PDZRN3: variants seen among roughly 807,000 people sequenced by gnomAD.
PDZRN3 encodes the protein E3 ubiquitin-protein ligase PDZRN3.
Under a neutral mutation model 85.7 loss-of-function variants are expected in PDZRN3, and 38 were observed. The observed-to-expected ratio is 0.44, with a 90% CI of 0.34 to 0.58. The LOEUF is 0.58. Ranked by LOEUF, PDZRN3 falls within the 20% of genes least tolerant of loss-of-function variation. The probability of loss-of-function intolerance (pLI) is 0.01; values close to 1 mark genes in which losing one functional copy is unlikely to be tolerated. For missense variants in PDZRN3, 1,629 were observed against 1,506.4 expected, an observed-to-expected ratio of 1.08 and a Z score of -1.35; for synonymous variants, 759 against 638.0, an observed-to-expected ratio of 1.19 and a Z score of -2.86.
intron 3 of PDZRN3, chr3:73,569,418 C>G: frequency 8.7e-7 from 1 of 1,152,784 alleles, no homozygotes; most frequent in Non-Finnish European, 1.1e-6. Flanking sequence ...TACATATTTC[C>G]TGTCTCTTCC....
chr3:73,395,991 T>G (rs1355511624), intron 5 of PDZRN3, among the ~76,000 whole-genome samples: 1 of 152,020 alleles, frequency 6.6e-6, no homozygotes, highest in African/African-American at 2.4e-5. Context: ...GGGAGGCCAT[T>G]GCAGACAGAT....
At chr3:73,514,587 C>T (rs192734848) in intron 3 of PDZRN3, among the ~76,000 whole-genome samples, 1 of 152,246 alleles carries the variant, frequency 6.6e-6, no homozygotes, top group Admixed American at 6.5e-5. Flanking sequence ...AAATTTCAAC[C>T]AATTGGTCTG....
intron 2 of PDZRN3, 132 bp from the exon 3 acceptor site, chr3:73,602,593 T>C: frequency 1.7e-6 from 1 of 589,060 alleles, no homozygotes; most frequent in Non-Finnish European, 3.0e-6. Flanking sequence ...GGTATTTGTT[T>C]CTCCTAATTT....
intron 3 of PDZRN3, among the ~76,000 whole-genome samples, chr3:73,581,387 G>C (rs1033771851): frequency 6.6e-6 from 1 of 152,028 alleles, no homozygotes; most frequent in Admixed American, 6.6e-5. Context: ...TCTGTGTGTG[G>C]GTGTGAACGC....
Position 73,571,873 on chromosome 3 carries a change from T to G in PDZRN3, c.918+30481A>C, listed in dbSNP as rs908848566. ...CCGTTTTGAAAAAACAGGAACATAC[T>G]TTCCACTCACTCCAATCCTCGGGCT... On this transcript the variant is annotated intron_variant, in intron 3 of 9. Coordinates refer to ENST00000263666, the MANE Select transcript of PDZRN3 (RefSeq NM_015009.3). Among the ~76,000 whole-genome samples the G allele has an allele frequency of 5.3e-5, 8 of 152,246 alleles. No homozygotes were observed. The South Asian group carries it at 1.7e-3, about 32-fold the overall frequency.
At chr3:73,456,300 G>A (rs1171813568) in intron 3 of PDZRN3, among the ~76,000 whole-genome samples, 1 of 152,136 alleles carries the variant, frequency 6.6e-6, no homozygotes, top group Non-Finnish European at 1.5e-5. Flanking sequence ...CTTTCCTAGA[G>A]TTGGCAAATA....
intron 3 of PDZRN3, among the ~76,000 whole-genome samples, chr3:73,524,038 T>C (rs988600585): frequency 6.6e-6 from 1 of 152,174 alleles, no homozygotes; most frequent in Non-Finnish European, 1.5e-5. Context: ...TACAAGTAGA[T>C]ATCACAGGGC....
intron 3 of PDZRN3, among the ~76,000 whole-genome samples, chr3:73,578,248 C>G (rs780895450): frequency 6.7e-6 from 1 of 149,818 alleles, no homozygotes; most frequent in Non-Finnish European, 1.5e-5. Context: ...CAGCTCACTA[C>G]AAGCTCCACC....
chr3:73,433,819 C>T (rs1446962663), intron 3 of PDZRN3: 27 of 1,473,134 alleles, frequency 1.8e-5, no homozygotes, highest in South Asian at 4.0e-5. Context: ...GTGAGTCAAG[C>T]GACTGCAACG....
chr3:73,609,037 T>C (rs1488619313), intron 1 of PDZRN3, among the ~76,000 whole-genome samples: 4 of 152,216 alleles, frequency 2.6e-5, no homozygotes, highest in Non-Finnish European at 1.5e-5. Flanking sequence ...GGCTACTTTC[T>C]GTTTGTTTCT....
intron 3 of PDZRN3, among the ~76,000 whole-genome samples, chr3:73,592,731 A>G (rs1702376362): frequency 6.6e-6 from 1 of 152,194 alleles, no homozygotes; most frequent in Non-Finnish European, 1.5e-5. Flanking sequence ...AGCAAGCTGC[A>G]GCAGCTACCC....
intron 3 of PDZRN3, among the ~76,000 whole-genome samples, chr3:73,472,704 T>A (rs552213588): frequency 5.9e-5 from 9 of 152,332 alleles, no homozygotes; most frequent in African/African-American, 2.2e-4. Context: ...TGTAACACTT[T>A]CCATTATTAA....
chr3:73,385,242 G>A (rs1307424718), intron 9 of PDZRN3, among the ~76,000 whole-genome samples: 1 of 152,162 alleles, frequency 6.6e-6, no homozygotes, highest in Non-Finnish European at 1.5e-5. Flanking sequence ...GATGTATAAA[G>A]GTCCTTGTTC....
chr3:73,515,173 CTTTTTTTTTTTTT>C (rs60325744), intron 3 of PDZRN3, among the ~76,000 whole-genome samples: 1 of 58,062 alleles, frequency 1.7e-5, no homozygotes. Flanking sequence ...ACAATCAGCC[CTTTTTTTTTTTTT>C]TTTTTTTTTG....
At chr3:73,489,408 C>A (rs976920943) in intron 3 of PDZRN3, among the ~76,000 whole-genome samples, 1 of 152,034 alleles carries the variant, frequency 6.6e-6, no homozygotes, top group Admixed American at 6.5e-5. Context: ...GCATCCAGTA[C>A]AGAGTAGATA....
At chr3:73,574,459 G>GC (rs1477199841) in intron 3 of PDZRN3, among the ~76,000 whole-genome samples, 1 of 140,132 alleles carries the variant, frequency 7.1e-6, no homozygotes. Context: ...GGCTGGGGTG[G>GC]GGGGGGTGGG....
chr3:73,582,027 G>T (rs1702210008), intron 3 of PDZRN3, among the ~76,000 whole-genome samples: 1 of 151,128 alleles, frequency 6.6e-6, no homozygotes, highest in Non-Finnish European at 1.5e-5. Flanking sequence ...TTGAGCCCAG[G>T]AGGTTGAGGC....
intron 3 of PDZRN3, among the ~76,000 whole-genome samples, chr3:73,515,154 T>C (rs1175794729): frequency 1.3e-5 from 2 of 150,752 alleles, no homozygotes; most frequent in Non-Finnish European, 2.9e-5. Flanking sequence ...AGAGCCTCCT[T>C]TTCCACCAAC....
At chr3:73,543,835 C>T (rs528596696) in intron 3 of PDZRN3, among the ~76,000 whole-genome samples, 3 of 152,258 alleles carry the variant, frequency 2.0e-5, no homozygotes, top group African/African-American at 2.4e-5. Flanking sequence ...GTTCAACTTG[C>T]CTAACTGAGA....
Sources: gnomAD v4.1 joint callset for allele counts (sites outside exome capture counted in the v4.1 genomes callset) on GRCh38, gnomAD v4.1.1 for gene constraint, MANE v1.5 for transcripts, NCBI Gene and HGNC (gene_info 2026-07-23, HGNC 2026-07-21) for gene names.